Variants in PDGFRL observed in about 807,000 individuals in gnomAD.
PDGFRL encodes platelet-derived growth factor receptor-like protein.
In PDGFRL, 46 loss-of-function variants were observed where a neutral mutation model predicts 37.2. The ratio of observed to expected loss-of-function variants is 1.24; its 90% confidence interval spans 0.98 to 1.58. PDGFRL has a LOEUF of 1.58. Among genes scored for constraint, PDGFRL ranks in the 40% most tolerant of loss-of-function variants. The pLI, the probability that PDGFRL is intolerant of heterozygous loss-of-function variation, is 0.00. For missense variants in PDGFRL, 692 were observed against 467.6 expected (o/e 1.48, Z -4.43); for synonymous variants, 251 against 184.3 (o/e 1.36, Z -2.93).
At chr8:17,607,224 T>C (rs1308617015) in intron 2 of PDGFRL, among the ~76,000 whole-genome samples, 1 of 152,138 alleles carries the variant, frequency 6.6e-6, no homozygotes, top group East Asian at 1.9e-4. Context: ...TCCATAGCAC[T>C]GTGGAGGGCT....
intron 5 of PDGFRL, among the ~76,000 whole-genome samples, chr8:17,640,652 A>G (rs7001265): frequency 0.84 from 126,905 of 151,898 alleles, 53,679 homozygotes; most frequent in Non-Finnish European, 0.91. Flanking sequence ...CATGGATGCC[A>G]GCAGCTGCTC....
rs570528171 is a variant in PDGFRL, at chr8:17,628,883, C to G, written c.799+103C>G. On this transcript the variant is annotated intron_variant, in intron 4 of 5. Coordinates refer to ENST00000251630, the MANE Select transcript of PDGFRL (RefSeq NM_001372073.1). ...TGGAATAAGGAAGCTCCATGAGTGCCTTTTGTTTCATTGTTGTTGGGTTGT... is the reference window on the plus strand; with the variant it reads ...TGGAATAAGGAAGCTCCATGAGTGCGTTTTGTTTCATTGTTGTTGGGTTGT... The G allele has an allele frequency of 1.0e-4, 75 of 734,372 alleles. No individual in the cohort carries two copies. The South Asian group carries it at 1.3e-3, about 13-fold the overall frequency. The allele number at this position is 734,372 out of a possible 1,614,324, so 45.5% of individuals were successfully genotyped here.
chr8:17,634,983 A>T (rs575683183), intron 5 of PDGFRL, among the ~76,000 whole-genome samples: 151 of 150,624 alleles, frequency 1.0e-3, no homozygotes, highest in African/African-American at 9.5e-4. Flanking sequence ...GTTTTTTTTT[A>T]AAAAAAAGGA....
intron 2 of PDGFRL, among the ~76,000 whole-genome samples, chr8:17,592,984 AAT>A (rs1244840737): frequency 2.0e-5 from 3 of 151,986 alleles, no homozygotes; most frequent in Non-Finnish European, 4.4e-5. Context: ...AGTAAATAAA[AAT>A]AGACGTATAA....
At chr8:17,594,263 C>T (rs529274572) in intron 2 of PDGFRL, among the ~76,000 whole-genome samples, 42 of 152,018 alleles carry the variant, frequency 2.8e-4, no homozygotes, top group African/African-American at 8.9e-4. Context: ...ATTTTTGAGA[C>T]GGAGTCTTGC....
At chr8:17,623,386 C>T (rs538220875) in intron 3 of PDGFRL, among the ~76,000 whole-genome samples, 1 of 152,250 alleles carries the variant, frequency 6.6e-6, no homozygotes, top group African/African-American at 2.4e-5. Flanking sequence ...TTGTATTATA[C>T]CATGCTGTGA....
At chr8:17,636,418 G>A (rs567433787) in intron 5 of PDGFRL, among the ~76,000 whole-genome samples, 6 of 152,002 alleles carry the variant, frequency 3.9e-5, no homozygotes, top group East Asian at 1.9e-4. Flanking sequence ...TCAAAGATCA[G>A]TGTAAGTATT....
intron 2 of PDGFRL, among the ~76,000 whole-genome samples, chr8:17,592,777 C>G (rs568482654): frequency 1.0e-3 from 158 of 152,318 alleles, no homozygotes; most frequent in African/African-American, 3.7e-3. Context: ...TCTCTTCACA[C>G]TGAAAACTAC....
chr8:17,622,519 A>C (rs948372727), intron 3 of PDGFRL, among the ~76,000 whole-genome samples: 1 of 152,184 alleles, frequency 6.6e-6, no homozygotes, highest in African/African-American at 2.4e-5. Flanking sequence ...TTCCTGCCCA[A>C]ATAGCTCCTC....
chr8:17,585,213 C>G (rs1803789885), intron 1 of PDGFRL, among the ~76,000 whole-genome samples: 1 of 152,140 alleles, frequency 6.6e-6, no homozygotes, highest in African/African-American at 2.4e-5. Flanking sequence ...TGGCCAGATT[C>G]TTTACCACAA....
At chr8:17,593,189 G>T (rs1031949557) in intron 2 of PDGFRL, among the ~76,000 whole-genome samples, 1 of 152,072 alleles carries the variant, frequency 6.6e-6, no homozygotes, top group African/African-American at 2.4e-5. Context: ...CACACTTGAA[G>T]TGCGTAAGGG....
At chr8:17,641,585 T>G (rs1205205840) in intron 5 of PDGFRL, among the ~76,000 whole-genome samples, 1 of 152,118 alleles carries the variant, frequency 6.6e-6, no homozygotes, top group Non-Finnish European at 1.5e-5. Context: ...GCCAAAAAGG[T>G]GCTGTGAGGC....
chr8:17,584,579 C>G lies in PDGFRL; in HGVS notation c.56-4889C>G, dbSNP rs542870432. ...CAGTGACACAGGAGGAAAACCAAGG[C>G]AGCACAGGGTCCTGCGAGCCATGTG... On this transcript the variant is annotated intron_variant, in intron 1 of 5. Transcript: ENST00000251630. Among the ~76,000 whole-genome samples the G allele has an allele frequency of 5.8e-4, 88 of 152,118 alleles. 1 individual carries two copies. The highest frequency in any genetic ancestry group is 1.9e-3 in the African/African-American group (79 of 41,468).
At chr8:17,597,662 A>G (rs1804083350) in intron 2 of PDGFRL, among the ~76,000 whole-genome samples, 1 of 152,186 alleles carries the variant, frequency 6.6e-6, no homozygotes, top group African/African-American at 2.4e-5. Context: ...AAAACACAAT[A>G]TGAAGAAAAC....
At chr8:17,618,263 C>T (rs1171517898) in intron 2 of PDGFRL, among the ~76,000 whole-genome samples, 2 of 151,958 alleles carry the variant, frequency 1.3e-5, no homozygotes, top group Non-Finnish European at 2.9e-5. Flanking sequence ...GCTATGTTGC[C>T]CAATCTGGTC....
At chr8:17,637,761 G>T (rs919353487) in intron 5 of PDGFRL, among the ~76,000 whole-genome samples, 3 of 152,196 alleles carry the variant, frequency 2.0e-5, no homozygotes, top group Middle Eastern at 3.4e-3. Context: ...TTATTGGTCT[G>T]TTCAGAGTTT....
intron 5 of PDGFRL, among the ~76,000 whole-genome samples, chr8:17,635,781 A>G (rs1804960171): frequency 6.6e-6 from 1 of 152,030 alleles, no homozygotes; most frequent in South Asian, 2.1e-4. Context: ...CCATGCCAAC[A>G]TCGATTATTT....
At chr8:17,629,085 CTTTTTT>C (rs397892660) in intron 4 of PDGFRL, among the ~76,000 whole-genome samples, 4 of 122,904 alleles carry the variant, frequency 3.3e-5, no homozygotes, top group African/African-American at 1.2e-4. Flanking sequence ...GCCCTGCTAA[CTTTTTT>C]TTTTTTTTTT....
intron 2 of PDGFRL, among the ~76,000 whole-genome samples, chr8:17,591,777 C>T (rs1408473112): frequency 6.6e-6 from 1 of 151,998 alleles, no homozygotes; most frequent in Non-Finnish European, 1.5e-5. Context: ...ATTAGCTGGG[C>T]GTGGTGCATG....
Sources: gnomAD v4.1 joint callset for allele counts (sites outside exome capture counted in the v4.1 genomes callset) on GRCh38, gnomAD v4.1.1 for gene constraint, MANE v1.5 for transcripts, NCBI Gene and HGNC (gene_info 2026-07-23, HGNC 2026-07-21) for gene names.